The following G3BP1 variants were observed in gnomAD, a reference collection of about 807,000 sequenced individuals.
G3BP1 encodes the protein ras GTPase-activating protein-binding protein 1.
A neutral mutation model predicts 58.6 loss-of-function variants in G3BP1; 35 were observed. That is an observed-to-expected ratio of 0.60 (90% CI 0.46 to 0.79). The LOEUF is 0.79. Among genes scored for constraint, G3BP1 ranks in the 30% least tolerant of loss-of-function variants. The pLI, the probability that G3BP1 is intolerant of heterozygous loss-of-function variation, is 0.00. For missense variants in G3BP1, 523 were observed against 580.8 expected (o/e 0.90, Z 1.02); for synonymous variants, 191 against 195.4 (o/e 0.98, Z 0.19).
chr5:151,778,719 G>A (rs1762415716), intron 1 of G3BP1, among the ~76,000 whole-genome samples: 2 of 151,808 alleles, frequency 1.3e-5, no homozygotes, highest in South Asian at 2.1e-4. Context: ...TGGGATTACA[G>A]GCATGAGAGT....
chr5:151,790,246 A>G, intron 2 of G3BP1, 77 bp from the exon 3 acceptor site: 2 of 688,762 alleles, frequency 2.9e-6, no homozygotes, highest in Non-Finnish European at 4.8e-6. Context: ...AAAAAAAAAA[A>G]GTTTGCCAGT....
rs1321880114 is a variant in G3BP1 at position 151,786,698 on chromosome 5, C to T, written c.78C>T (p.Ala26=). The T allele has an allele frequency of 6.2e-7, 1 of 1,606,690 alleles. No homozygotes were observed. Among genetic ancestry groups the T allele is most frequent in the Admixed American group, 1.7e-5 (1 of 59,996 alleles). ...AGTATTACACACTGCTGAACCAGGC[C>T]CCAGACATGCTGCATAGGTAAGACA... ...VRQYYTLLNQ[A]PDMLHRFYGK... The change falls in exon 2 of 12, where the codon GCC becomes GCT. Residue 26 remains alanine (A), a synonymous_variant. Transcript: ENST00000356245.
chr5:151,780,081 C>CT (rs1374682959), intron 1 of G3BP1, among the ~76,000 whole-genome samples: 3 of 151,960 alleles, frequency 2.0e-5, no homozygotes, highest in Admixed American at 6.5e-5. Flanking sequence ...CCTGTAGGCT[C>CT]TTTTTTTTAC....
rs1491520290 is a variant in G3BP1, at chr5:151,804,336, G to GC, written c.*246dup. Reference sequence around the variant, plus strand: ...TTAGGAATAACGGACTTTTAAAGAAGCAAAAAAAAAGACTGAATTTCCTTG... The same window carrying GC: ...TTAGGAATAACGGACTTTTAAAGAAGCCAAAAAAAAAGACTGAATTTCCTTG... On this transcript the variant is annotated 3_prime_UTR_variant, in exon 12 of 12. Coordinates refer to ENST00000356245, the MANE Select transcript of G3BP1 (RefSeq NM_005754.3). 6 of 329,546 alleles carry GC rather than the reference G, an allele frequency of 1.8e-5. No individual in the cohort carries two copies. The highest frequency in any genetic ancestry group is 4.4e-5 in the African/African-American group (2 of 45,060). The allele number at this position is 329,546 out of a possible 1,614,324, so 20.4% of individuals were successfully genotyped here.
intron 11 of G3BP1, among the ~76,000 whole-genome samples, chr5:151,802,750 G>A (rs1013235364): frequency 2.6e-5 from 4 of 151,428 alleles, no homozygotes; most frequent in Non-Finnish European, 4.4e-5. Context: ...TGGCTAACAC[G>A]GTGAAACCCC....
At position 151,807,837 on chromosome 5, in the gene G3BP1, G is replaced by T. The variant is rs1762960521; in HGVS notation, c.*3746G>T. 6.6e-6 allele frequency: 1 copy of T among 152,188 alleles called. No individual in the cohort carries two copies. The highest frequency in any genetic ancestry group is 2.1e-4 in the South Asian group (1 of 4,830). The allele number at this position is 152,188 out of a possible 1,614,324, so 9.4% of individuals were successfully genotyped here. ...CTTAGATTTGTAGACCACTGTTTAT[G>T]CTGAGTGACATTTCTTTTAAATGGT... On this transcript the variant is annotated 3_prime_UTR_variant, in exon 12 of 12. Transcript: ENST00000356245.
intron 1 of G3BP1, among the ~76,000 whole-genome samples, chr5:151,774,963 C>T (rs1762341994): frequency 6.6e-6 from 1 of 152,052 alleles, no homozygotes; most frequent in Admixed American, 6.6e-5. Flanking sequence ...GACATCCTGT[C>T]TGTCTTTAGT....
chr5:151,785,617 T>A (rs1447224519), intron 1 of G3BP1, among the ~76,000 whole-genome samples: 2 of 152,212 alleles, frequency 1.3e-5, no homozygotes, highest in African/African-American at 4.8e-5. Flanking sequence ...GGTAATAGCT[T>A]ACAATAATTG....
At position 151,799,892 on chromosome 5, in the gene G3BP1, C is replaced by G. The variant is rs896356394; in HGVS notation, c.847C>G (p.Arg283Gly). Residue 283 changes from arginine to glycine, a missense_variant, in exon 9 of 12, where the codon CGT becomes GGT. Physicochemically the swap from Arg to Gly is moderately radical, Grantham distance 125. Around this residue, in one of 2 missense-constraint regions of G3BP1, gnomAD observed 398 missense variants for 399.1 expected, o/e 1.00. Coordinates refer to ENST00000356245, the MANE Select transcript of G3BP1 (RefSeq NM_005754.3). Reference sequence around the variant, plus strand: ...AAGTTAACTTAAAATTTTTCAGCCCCGTCCAGAGTCTAAGCCTGAATCTCA... The same window carrying G: ...AAGTTAACTTAAAATTTTTCAGCCCGGTCCAGAGTCTAAGCCTGAATCTCA... ...HVVKVPASQP[R>G]PESKPESQIP... 7.5e-6 allele frequency: 12 copies of G among 1,595,056 alleles called. No individual in the cohort carries two copies. The highest frequency in any genetic ancestry group is 1.0e-5 in the Non-Finnish European group (12 of 1,164,902).
intron 2 of G3BP1, among the ~76,000 whole-genome samples, chr5:151,789,474 T>C (rs911744054): frequency 6.6e-6 from 1 of 152,232 alleles, no homozygotes; most frequent in Admixed American, 6.5e-5. Flanking sequence ...AATATTGTTT[T>C]AATGAAAATG....
chr5:151,780,400 TTTTTA>T (rs1332161821), intron 1 of G3BP1, among the ~76,000 whole-genome samples: 1 of 152,218 alleles, frequency 6.6e-6, no homozygotes, highest in Non-Finnish European at 1.5e-5. Context: ...ATTTGGCTAC[TTTTTA>T]TTTTGTTGGA....
intron 4 of G3BP1, among the ~76,000 whole-genome samples, chr5:151,792,806 A>G (rs1446268254): frequency 8.5e-5 from 13 of 152,136 alleles, no homozygotes; most frequent in Non-Finnish European, 1.5e-4. Flanking sequence ...TCACTCTACA[A>G]AAAACTCACT....
intron 1 of G3BP1, 36 bp from the exon 2 acceptor site, chr5:151,786,536 A>G (rs1373612939): frequency 1.2e-6 from 1 of 845,008 alleles, no homozygotes; most frequent in Non-Finnish European, 2.0e-6. Flanking sequence ...TTTCAGCTAA[A>G]TGATTCGGTC....
chr5:151,790,155 C>G (rs993273849), intron 2 of G3BP1, among the ~76,000 whole-genome samples, 168 bp from the exon 3 acceptor site: 1 of 150,306 alleles, frequency 6.7e-6, no homozygotes, highest in Non-Finnish European at 1.5e-5. Flanking sequence ...ATCATAGCCC[C>G]GGCACATCGA....
rs751991200 is a variant in G3BP1, at chr5:151,799,269, G to T, written c.799G>T (p.Val267Phe). Residue 267 changes from valine to phenylalanine, a missense_variant, in exon 8 of 12, where the codon GTT becomes TTT. Val to Phe is a conservative substitution (Grantham distance 50, BLOSUM62 -1). This residue lies in a region of G3BP1 where 398 missense variants were observed against 399.1 expected (regional missense o/e 1.00). Coordinates refer to ENST00000356245, the MANE Select transcript of G3BP1 (RefSeq NM_005754.3). ...KNLPPSGAVP[V>F]TGIPPHVVKV... ...TCTTCCACCCAGTGGAGCTGTTCCA[G>T]TTACTGGGATACCACCTCATGTTGT... The T allele has an allele frequency of 1.6e-5, 25 of 1,605,918 alleles. No homozygotes were observed. In the Admixed American group the frequency reaches 1.8e-4, roughly 12 times the overall value.
chr5:151,786,465 T>C (rs1171190684), intron 1 of G3BP1, 107 bp from the exon 2 acceptor site: 1 of 642,150 alleles, frequency 1.6e-6, no homozygotes, highest in Non-Finnish European at 2.8e-6. Context: ...GCTCTGTTTG[T>C]TTTTATGATG....
intron 6 of G3BP1, among the ~76,000 whole-genome samples, chr5:151,796,803 C>G (rs964938300): frequency 6.6e-6 from 1 of 152,018 alleles, no homozygotes; most frequent in African/African-American, 2.4e-5. Flanking sequence ...ATATCTAGGA[C>G]TTTTCACCTT....
chr5:151,774,000 A>T (rs1762322122), intron 1 of G3BP1, among the ~76,000 whole-genome samples: 1 of 152,238 alleles, frequency 6.6e-6, no homozygotes, highest in South Asian at 2.1e-4. Flanking sequence ...AATGGTTATC[A>T]CTTGGGCAGG....
Position 151,809,016 on chromosome 5 carries a change from A to G in G3BP1, c.*4925A>G, listed in dbSNP as rs1762976345. ...ACATAGCAAGACCCTGTCTCTACAG[A>G]TAATTGAAAAGTGAGCCAGATGTGG... On this transcript the variant is annotated 3_prime_UTR_variant, in exon 12 of 12. Coordinates refer to ENST00000356245, the MANE Select transcript of G3BP1 (RefSeq NM_005754.3). 1 of 152,230 alleles carries G rather than the reference A, an allele frequency of 6.6e-6. No individual in the cohort carries two copies. The highest frequency in any genetic ancestry group is 2.4e-5 in the African/African-American group (1 of 41,442). The allele number at this position is 152,230 out of a possible 1,614,324, so 9.4% of individuals were successfully genotyped here. A position where few individuals can be genotyped will look rare whatever the true frequency, so the allele number is the denominator to read the frequency against.
Sources: gnomAD v4.1 joint callset for allele counts (sites outside exome capture counted in the v4.1 genomes callset) on GRCh38, gnomAD v4.1.1 for gene constraint, gnomAD v4.1.1 regional missense constraint, MANE v1.5 for transcripts, NCBI Gene and HGNC (gene_info 2026-07-23, HGNC 2026-07-21) for gene names.